The following XPO7 variants were observed in gnomAD, a reference collection of about 807,000 sequenced individuals.
The protein encoded by XPO7 is exportin-7.
In XPO7, 21 loss-of-function variants were observed where a neutral mutation model predicts 144.3. The ratio of observed to expected loss-of-function variants is 0.15; its 90% CI spans 0.10 to 0.21. XPO7 has a LOEUF of 0.21. Among genes scored for constraint, XPO7 ranks in the 10% least tolerant of loss-of-function variants. The pLI is 1.00. For missense variants in XPO7, 808 were observed against 1,325.8 expected, an observed-to-expected ratio of 0.61 and a Z score of 6.06; for synonymous variants, 580 against 499.6, an observed-to-expected ratio of 1.16 and a Z score of -2.15.
intron 1 of XPO7, among the ~76,000 whole-genome samples, chr8:21,959,036 A>G (rs571952609): frequency 6.6e-6 from 1 of 152,010 alleles, no homozygotes; most frequent in African/African-American, 2.4e-5. Context: ...AGGTAACTCA[A>G]ATTGTTGACC....
At chr8:21,956,134 C>T (rs1402442168) in intron 1 of XPO7, among the ~76,000 whole-genome samples, 1 of 152,176 alleles carries the variant, frequency 6.6e-6, no homozygotes, top group Non-Finnish European at 1.5e-5. Context: ...TGGCCTTACA[C>T]CCCCAAAGAT....
At chr8:21,969,142 T>G (rs1358626550) in intron 2 of XPO7, among the ~76,000 whole-genome samples, 1 of 152,188 alleles carries the variant, frequency 6.6e-6, no homozygotes, top group African/African-American at 2.4e-5. Flanking sequence ...AGGGGAGATT[T>G]CTTGGTTTAA....
intron 1 of XPO7, among the ~76,000 whole-genome samples, chr8:21,922,955 G>T (rs370900262): frequency 6.6e-4 from 100 of 152,268 alleles, no homozygotes; most frequent in African/African-American, 2.3e-3. Context: ...CCAGGGAGTT[G>T]TGAAGAATCA....
chr8:21,926,832 C>T (rs1234950438), intron 1 of XPO7, among the ~76,000 whole-genome samples: 1 of 152,050 alleles, frequency 6.6e-6, no homozygotes, highest in Admixed American at 6.5e-5. Flanking sequence ...ATGTAATGTT[C>T]GTGTTAGTAG....
At chr8:21,924,511 A>G (rs190033705) in intron 1 of XPO7, among the ~76,000 whole-genome samples, 1 of 152,100 alleles carries the variant, frequency 6.6e-6, no homozygotes, top group Non-Finnish European at 1.5e-5. Flanking sequence ...TTAGAACTCA[A>G]GCTGAGTAAC....
At chr8:21,991,673 T>G in intron 18 of XPO7, 195 bp from the exon 19 acceptor site, 1 of 444,642 alleles carries the variant, frequency 2.2e-6, no homozygotes, top group Non-Finnish European at 4.0e-6. Flanking sequence ...GTGATTTCTG[T>G]TGTCATCTTC....
chr8:21,945,457 T>C (rs1427415473), intron 1 of XPO7, among the ~76,000 whole-genome samples: 1 of 152,254 alleles, frequency 6.6e-6, no homozygotes, highest in Admixed American at 6.5e-5. Context: ...AAATGCAAGA[T>C]CCTGCAGGTA....
At chr8:22,000,055 T>G (rs1813087192) in intron 24 of XPO7, among the ~76,000 whole-genome samples, 1 of 152,106 alleles carries the variant, frequency 6.6e-6, no homozygotes, top group South Asian at 2.1e-4. Flanking sequence ...AGACTCTTGG[T>G]TGTGAGGAAG....
chr8:22,004,457 G>T (rs775519423), intron 27 of XPO7, among the ~76,000 whole-genome samples: 1 of 152,096 alleles, frequency 6.6e-6, no homozygotes, highest in Non-Finnish European at 1.5e-5. Flanking sequence ...TCCAGTAACT[G>T]CATTGAGTAT....
intron 1 of XPO7, among the ~76,000 whole-genome samples, chr8:21,963,234 A>G (rs1414731380): frequency 6.6e-6 from 1 of 152,214 alleles, no homozygotes; most frequent in Non-Finnish European, 1.5e-5. Context: ...CAGGTTAAGA[A>G]TGTGCTCTTC....
intron 19 of XPO7, 61 bp from the exon 20 acceptor site, chr8:21,994,302 A>G: frequency 7.8e-7 from 1 of 1,289,896 alleles, no homozygotes; most frequent in South Asian, 1.2e-5. Context: ...TGGAATCCTC[A>G]TCAGATTGTT....
At chr8:21,938,372 C>G (rs540841918) in intron 1 of XPO7, among the ~76,000 whole-genome samples, 1 of 152,282 alleles carries the variant, frequency 6.6e-6, no homozygotes, top group Non-Finnish European at 1.5e-5. Context: ...TCCATTAGCA[C>G]TATCTGTGTA....
At position 22,002,290 on chromosome 8, in the gene XPO7, T is replaced by C; in HGVS notation, c.2943+18T>C. The C allele has an allele frequency of 9.3e-6, 15 of 1,608,962 alleles. No individual in the cohort carries two copies. Among genetic ancestry groups the C allele is most frequent in the Non-Finnish European group, 1.3e-5 (15 of 1,178,016 alleles). On this transcript the variant is annotated intron_variant, in intron 25 of 27. Transcript: ENST00000252512. ...TCCAGCAGGTAAGAAAGTGGAGGCT[T>C]AGGAGGCAGTGATGGGGTGTCCGAC... is the stretch of plus-strand genomic sequence containing the variant.
chr8:21,984,654 T>C lies in XPO7; in HGVS notation c.1286T>C (p.Leu429Pro), dbSNP rs1812518558. 1 of 1,611,802 alleles carries C rather than the reference T, an allele frequency of 6.2e-7. No homozygotes were observed. Among genetic ancestry groups the C allele is most frequent in the Non-Finnish European group, 8.5e-7 (1 of 1,179,060 alleles). Residue 429 changes from leucine (L) to proline (P), a missense_variant, in exon 12 of 28, where the codon CTG becomes CCG. This residue lies in a region of XPO7 where 416 missense variants were observed against 612.5 expected (regional missense o/e 0.68). Coordinates refer to ENST00000252512, the MANE Select transcript of XPO7 (RefSeq NM_015024.5). ...TCTTCCCTTGGGAATAGAGATGGCC[T>C]GGAAGATCCCCTGGAGGATACGGGG... ...ESVHIILRDG[L>P]EDPLEDTGLV...
intron 5 of XPO7, among the ~76,000 whole-genome samples, chr8:21,972,352 G>C (rs1204829800): frequency 2.6e-5 from 4 of 152,102 alleles, no homozygotes; most frequent in Admixed American, 6.5e-5. Context: ...GGTGGCATGT[G>C]CCTGTAGTCC....
chr8:21,924,180 T>C (rs1475571989), intron 1 of XPO7, among the ~76,000 whole-genome samples: 1 of 152,232 alleles, frequency 6.6e-6, no homozygotes, highest in East Asian at 1.9e-4. Flanking sequence ...TCTTTACCAA[T>C]GGGCCTCTCC....
intron 19 of XPO7, among the ~76,000 whole-genome samples, chr8:21,992,756 C>G (rs1394214241): frequency 6.6e-6 from 1 of 152,184 alleles, no homozygotes; most frequent in East Asian, 1.9e-4. Flanking sequence ...TTTTCTAGCT[C>G]TTAGAATTGT....
intron 1 of XPO7, among the ~76,000 whole-genome samples, chr8:21,928,173 A>G (rs766250939): frequency 6.6e-6 from 1 of 152,230 alleles, no homozygotes; most frequent in African/African-American, 2.4e-5. Flanking sequence ...GGAATTTTAT[A>G]TAATGGACTT....
intron 1 of XPO7, among the ~76,000 whole-genome samples, chr8:21,920,005 C>G (rs1440232408): frequency 1.3e-5 from 2 of 151,880 alleles, no homozygotes; most frequent in Non-Finnish European, 2.9e-5. Context: ...GGTCCCACAC[C>G]TCGCGCGCGG....
Sources: allele counts gnomAD v4.1 joint callset (sites outside exome capture counted in the v4.1 genomes callset), GRCh38; gene constraint gnomAD v4.1.1; regional missense constraint gnomAD v4.1.1; transcripts MANE v1.5; gene names NCBI Gene and HGNC (gene_info 2026-07-23, HGNC 2026-07-21).